The following LRRC3B variants were observed in gnomAD, a reference collection of about 807,000 sequenced individuals.
LRRC3B encodes the protein leucine rich repeat containing 3B.
In LRRC3B, 2 loss-of-function variants were observed where a neutral mutation model predicts 12.8. That is an observed-to-expected ratio of 0.16 (90% CI 0.06 to 0.49). The LOEUF (loss-of-function observed/expected upper bound fraction) is 0.49. Ranked by LOEUF, LRRC3B falls within the 20% of genes least tolerant of loss-of-function variation. The probability of loss-of-function intolerance (pLI) is 0.96; values close to 1 mark genes in which losing one functional copy is unlikely to be tolerated. For synonymous variants in LRRC3B, 132 were observed against 122.0 expected (o/e 1.08, Z -0.54); for missense variants, 189 against 319.4 (o/e 0.59, Z 3.11).
chr3:26,654,908 G>T (rs1699338885), intron 1 of LRRC3B, among the ~76,000 whole-genome samples: 1 of 152,106 alleles, frequency 6.6e-6, no homozygotes, highest in African/African-American at 2.4e-5. Context: ...CTTTAAAATG[G>T]CATTTCCTAA....
In LRRC3B at chr3:26,685,615, GTA is replaced by G. The variant is rs768001958; in HGVS notation, c.-160-23880_-160-23879del. ...CACTCATATATATATATGTGTGTGT[GTA>G]TATATATATATATATATCTATATAC... On this transcript the variant is annotated intron_variant, in intron 1 of 1. Coordinates refer to ENST00000396641, the Ensembl canonical transcript of LRRC3B. 5.8e-3 allele frequency among the ~76,000 whole-genome samples: 699 copies of G among 120,270 alleles called. 11 individuals are homozygous for G. Among genetic ancestry groups the G allele is most frequent in the African/African-American group, 0.016 (477 of 29,394 alleles). The allele number at this position is 120,270 out of a possible 152,430, so 78.9% of individuals were successfully genotyped here. A position where few individuals can be genotyped will look rare whatever the true frequency, so the allele number is the denominator to read the frequency against.
chr3:26,706,672 T>A (rs961780896), intron 1 of LRRC3B, among the ~76,000 whole-genome samples: 2 of 152,178 alleles, frequency 1.3e-5, no homozygotes, highest in Non-Finnish European at 2.9e-5. Flanking sequence ...TATGTGACCA[T>A]GACCATTGGA....
chr3:26,705,732 C>T (rs939054939), intron 1 of LRRC3B, among the ~76,000 whole-genome samples: 3 of 152,090 alleles, frequency 2.0e-5, no homozygotes, highest in African/African-American at 7.2e-5. Flanking sequence ...CTTTTTAGCC[C>T]TGTATTCTGC....
intron 1 of LRRC3B, among the ~76,000 whole-genome samples, chr3:26,707,527 A>C (rs1700629078): frequency 6.6e-6 from 1 of 152,126 alleles, no homozygotes; most frequent in South Asian, 2.1e-4. Context: ...TTCTATGCCA[A>C]ACTCCTTTAA....
At chr3:26,694,573 A>T (rs767027556) in intron 1 of LRRC3B, 13 of 152,250 alleles carry the variant, frequency 8.5e-5, no homozygotes, top group Non-Finnish European at 1.9e-4. Flanking sequence ...CACATCGGAA[A>T]TCAATGAAAT....
intron 1 of LRRC3B, among the ~76,000 whole-genome samples, chr3:26,656,962 C>G (rs1699384851): frequency 6.6e-6 from 1 of 152,158 alleles, no homozygotes; most frequent in African/African-American, 2.4e-5. Context: ...TATAGCTATG[C>G]AAGCACAACT....
chr3:26,645,015 C>T (rs1699113520), intron 1 of LRRC3B, among the ~76,000 whole-genome samples: 1 of 152,028 alleles, frequency 6.6e-6, no homozygotes, highest in Non-Finnish European at 1.5e-5. Flanking sequence ...TGCATAGATA[C>T]AGACAAAGAC....
intron 1 of LRRC3B, among the ~76,000 whole-genome samples, chr3:26,633,963 A>G (rs1698812569): frequency 6.6e-6 from 1 of 152,242 alleles, no homozygotes; most frequent in South Asian, 2.1e-4. Flanking sequence ...AACTAATTCA[A>G]TTAAAACATG....
exon 2 of LRRC3B, chr3:26,709,622 G>T (rs755876089): frequency 1.3e-6 from 2 of 1,570,706 alleles, no homozygotes; most frequent in Non-Finnish European, 1.7e-6. Context: ...CCTTTACCAC[G>T]CTTGTTGGAG....
chr3:26,676,791 A>G (rs1273353717), intron 1 of LRRC3B, among the ~76,000 whole-genome samples: 3 of 152,214 alleles, frequency 2.0e-5, no homozygotes, highest in African/African-American at 7.2e-5. Flanking sequence ...ATGCACACGT[A>G]TGTTTCTTGA....
intron 1 of LRRC3B, among the ~76,000 whole-genome samples, chr3:26,643,258 G>A (rs1356798773): frequency 8.9e-5 from 12 of 135,168 alleles, no homozygotes; most frequent in Non-Finnish European, 9.7e-5. Flanking sequence ...ATGTGTGAGT[G>A]TGTGTGTGTG....
At chr3:26,653,612 A>G (rs2125416639) in intron 1 of LRRC3B, among the ~76,000 whole-genome samples, 1 of 152,338 alleles carries the variant, frequency 6.6e-6, no homozygotes, top group South Asian at 2.1e-4. Context: ...TGTCCTTTAA[A>G]AAACAGTAAG....
exon 2 of LRRC3B, chr3:26,710,128 T>A (rs1406710360): frequency 6.2e-7 from 1 of 1,613,930 alleles, no homozygotes; most frequent in Non-Finnish European, 8.5e-7. Flanking sequence ...GCGACTGTAC[T>A]CTACAGCAAG....
intron 1 of LRRC3B, among the ~76,000 whole-genome samples, chr3:26,647,188 G>A (rs1208526827): frequency 6.6e-6 from 1 of 152,026 alleles, no homozygotes; most frequent in Non-Finnish European, 1.5e-5. Flanking sequence ...CAGCTCAAAT[G>A]TCACCCCTAA....
chr3:26,651,157 G>T (rs1361952078), intron 1 of LRRC3B, among the ~76,000 whole-genome samples: 1 of 152,080 alleles, frequency 6.6e-6, no homozygotes, highest in African/African-American at 2.4e-5. Context: ...TATAGAGAAT[G>T]GGTGTAGTTA....
chr3:26,688,712 TC>T (rs1466985784), intron 1 of LRRC3B, among the ~76,000 whole-genome samples: 1 of 151,800 alleles, frequency 6.6e-6, no homozygotes, highest in Non-Finnish European at 1.5e-5. Flanking sequence ...CGAAAGATCC[TC>T]CCCCGTGTTC....
chr3:26,647,832 A>T (rs752300920), intron 1 of LRRC3B, among the ~76,000 whole-genome samples: 4 of 152,182 alleles, frequency 2.6e-5, no homozygotes, highest in Admixed American at 6.5e-5. Flanking sequence ...GCCATGTTTA[A>T]ACAATACCCA....
chr3:26,675,166 G>A lies in LRRC3B; in HGVS notation c.-160-34347G>A, dbSNP rs182463785. Among the ~76,000 whole-genome samples the A allele has an allele frequency of 2.3e-3, 356 of 152,286 alleles. 2 individuals are homozygous for A. Among genetic ancestry groups the A allele is most frequent in the African/African-American group, 8.1e-3 (337 of 41,560 alleles). On this transcript the variant is annotated intron_variant, in intron 1 of 1. Coordinates refer to ENST00000396641, the Ensembl canonical transcript of LRRC3B. ...TGCATATAAGTAGATACCTATATAA[G>A]CAGGTAGATACAGGTAGGAGCTTTT...
chr3:26,702,849 A>T (rs1700491509), intron 1 of LRRC3B, among the ~76,000 whole-genome samples: 1 of 152,114 alleles, frequency 6.6e-6, no homozygotes, highest in African/African-American at 2.4e-5. Flanking sequence ...AAAAAACTTC[A>T]AGAAATCGGG....
Sources: gnomAD v4.1 joint callset for allele counts (sites outside exome capture counted in the v4.1 genomes callset) on GRCh38, gnomAD v4.1.1 for gene constraint, MANE v1.5 for transcripts, NCBI Gene and HGNC (gene_info 2026-07-23, HGNC 2026-07-21) for gene names.